IFT46: variants seen among roughly 807,000 people sequenced by gnomAD.
IFT46 encodes intraflagellar transport 46, also known as intraflagellar transport protein 46 homolog.
Under a neutral mutation model 39.6 loss-of-function variants are expected in IFT46, and 19 were observed. That is an observed-to-expected ratio of 0.48 (90% CI 0.33 to 0.70). The LOEUF (loss-of-function observed/expected upper bound fraction) is 0.70, where lower values mean the gene tolerates loss of function less well. IFT46 is among the 30% of genes least tolerant of loss of function. The pLI is 0.01. For synonymous variants in IFT46, 117 were observed against 134.8 expected (o/e 0.87, Z 0.91); for missense variants, 334 against 364.8 (o/e 0.92, Z 0.69).
At chr11:118,561,295 T>C (rs2135506013) in intron 2 of IFT46, 4 of 1,231,550 alleles carry the variant, frequency 3.2e-6, no homozygotes, top group Non-Finnish European at 4.7e-6. Flanking sequence ...TGGGCCAGAA[T>C]GTTGCAGATT....
chr11:118,550,490 ATTTG>A (rs1241205853), intron 9 of IFT46, among the ~76,000 whole-genome samples: 6 of 145,722 alleles, frequency 4.1e-5, no homozygotes, highest in African/African-American at 1.0e-4. Context: ...TCTTTTATTT[ATTTG>A]TTTATTTTTG....
upstream of IFT46, among the ~76,000 whole-genome samples, chr11:118,575,453 G>A (rs1205277063): frequency 6.7e-6 from 1 of 149,000 alleles, no homozygotes; most frequent in African/African-American, 2.5e-5. Context: ...TTCTCTGCAA[G>A]CTTTTGTTTT....
intron 9 of IFT46, among the ~76,000 whole-genome samples, chr11:118,548,609 C>T (rs868973629): frequency 1.3e-5 from 2 of 151,684 alleles, no homozygotes; most frequent in African/African-American, 4.9e-5. Flanking sequence ...ACGATCCGCC[C>T]GCCTCGGCCT....
chr11:118,553,311 CAT>C (rs1937714637), intron 7 of IFT46, among the ~76,000 whole-genome samples: 1 of 151,760 alleles, frequency 6.6e-6, no homozygotes, highest in South Asian at 2.1e-4. Flanking sequence ...CGTGGTGGTG[CAT>C]GCCTGTAATC....
chr11:118,566,580 C>T (rs2135516744), upstream of IFT46, among the ~76,000 whole-genome samples: 1 of 152,312 alleles, frequency 6.6e-6, no homozygotes, highest in African/African-American at 2.4e-5. Flanking sequence ...GTAGTCCCAG[C>T]TACTCGAGAG....
Position 118,551,815 on chromosome 11 carries a change from A to C in IFT46, c.643T>G (p.Ser215Ala). ...PDIDTLMQEWSPEFEELLGKV... is the reference protein window; with the variant it reads ...PDIDTLMQEWAPEFEELLGKV... ...CCCAAAAGCTCTTCAAACTCCGGGG[A>C]CCATTCCTGCATCAGCGTGTCAATG... Residue 215 changes from serine to alanine, a missense_variant, in exon 9 of 12, where the codon TCC becomes GCC. Transcript: ENST00000264021. 3 of 1,614,044 alleles carry C rather than the reference A, an allele frequency of 1.9e-6. No homozygotes were observed. Among genetic ancestry groups the C allele is most frequent in the Non-Finnish European group, 2.5e-6 (3 of 1,180,000 alleles).
chr11:118,546,195 C>A (rs371422239), intron 9 of IFT46: 1 of 717,608 alleles, frequency 1.4e-6, no homozygotes, highest in African/African-American at 1.7e-5. Context: ...AGAAGAGACC[C>A]CTCAGAAGAA....
intron 3 of IFT46, chr11:118,557,787 T>G: frequency 6.2e-7 from 1 of 1,614,126 alleles, no homozygotes; most frequent in Non-Finnish European, 8.5e-7. Context: ...CTCAAGTACA[T>G]GAGAAGGGGT....
rs1555066627 is a variant in IFT46, at chr11:118,544,899, G to A, written c.*17C>T. 1 of 1,579,150 alleles carries A rather than the reference G, an allele frequency of 6.3e-7. No individual in the cohort carries two copies. The highest frequency in any genetic ancestry group is 1.7e-5 in the Admixed American group (1 of 59,820). On this transcript the variant is annotated 3_prime_UTR_variant, in exon 12 of 12. Transcript: ENST00000264021. The stretch of plus-strand genomic sequence containing the variant: ...GAGGGGCCAGCTCAGCCTTGAAACA[G>A]CAGCTTGGGAAGTGTCTCAGCTGAA...
At chr11:118,556,406 T>C (rs1386226728) in intron 4 of IFT46, among the ~76,000 whole-genome samples, 1 of 151,910 alleles carries the variant, frequency 6.6e-6, no homozygotes, top group East Asian at 1.9e-4. Context: ...GGCAGGAGAA[T>C]GGCGTGAACC....
At chr11:118,562,803 C>T (rs1417833422) in intron 2 of IFT46, among the ~76,000 whole-genome samples, 2 of 152,192 alleles carry the variant, frequency 1.3e-5, no homozygotes, top group South Asian at 2.1e-4. Context: ...CGGTGGCTCA[C>T]GCCTGTAATC....
upstream of IFT46, among the ~76,000 whole-genome samples, chr11:118,570,109 G>A (rs148921385): frequency 6.3e-3 from 938 of 148,368 alleles, 14 homozygotes; most frequent in African/African-American, 0.022. Flanking sequence ...GAGTGCAGTG[G>A]CATGATCTCG....
At chr11:118,549,976 T>C (rs1555068030) in intron 9 of IFT46, among the ~76,000 whole-genome samples, 1 of 148,410 alleles carries the variant, frequency 6.7e-6, no homozygotes, top group Non-Finnish European at 1.5e-5. Context: ...CAGGCTGGAG[T>C]GTAGTTGCTC....
At chr11:118,560,089 A>G (rs1376252910) in intron 2 of IFT46, 2 of 509,816 alleles carry the variant, frequency 3.9e-6, no homozygotes, top group Non-Finnish European at 6.9e-6. Flanking sequence ...TAGACATTAT[A>G]CTATTCAAAT....
At chr11:118,572,278 C>T in intron 1 of IFT46, 1 of 481,616 alleles carries the variant, frequency 2.1e-6, no homozygotes, top group Non-Finnish European at 3.7e-6. Context: ...AGGGTGAACG[C>T]CCCCTACACC....
upstream of IFT46, among the ~76,000 whole-genome samples, chr11:118,575,201 A>C (rs782460981): frequency 2.4e-4 from 36 of 152,030 alleles, no homozygotes; most frequent in Non-Finnish European, 4.3e-4. Context: ...GATAGTCTCG[A>C]TCTCCTCACC....
At chr11:118,551,429 T>C (rs1555068430) in intron 9 of IFT46, among the ~76,000 whole-genome samples, 1 of 151,680 alleles carries the variant, frequency 6.6e-6, no homozygotes, top group Admixed American at 6.6e-5. Flanking sequence ...ATCCCAGCAC[T>C]TTGGGAGGCT....
chr11:118,550,600 A>C (rs1951786009), intron 9 of IFT46, among the ~76,000 whole-genome samples: 1 of 152,174 alleles, frequency 6.6e-6, no homozygotes, highest in Admixed American at 6.6e-5. Context: ...GGCATGAGCC[A>C]CTGTGCCCGG....
chr11:118,544,925 G>T lies in IFT46; in HGVS notation c.906C>A (p.Thr302=). 1.2e-6 allele frequency: 2 copies of T among 1,612,230 alleles called. No individual in the cohort carries two copies. Among genetic ancestry groups the T allele is most frequent in the Non-Finnish European group, 1.7e-6 (2 of 1,178,510 alleles). ...CAGCTTGGGAAGTGTCTCAGCTGAA[G>T]GTTAATGTCTCCATGTCTCCAGCTT... ...TSQAGDMETL[T]FS Residue 302 remains threonine, a synonymous_variant, in exon 12 of 12, where the codon ACC becomes ACA. Transcript: ENST00000264021.
Sources: allele counts gnomAD v4.1 joint callset (sites outside exome capture counted in the v4.1 genomes callset), GRCh38; gene constraint gnomAD v4.1.1; transcripts MANE v1.5; gene names NCBI Gene and HGNC (gene_info 2026-07-23, HGNC 2026-07-21).